The following HACL1 variants were observed in gnomAD, a reference collection of about 807,000 sequenced individuals.
HACL1 encodes 1600020H07Rik.
In HACL1, 64 loss-of-function variants were observed where a neutral mutation model predicts 74.2. The ratio of observed to expected loss-of-function variants is 0.86; its 90% CI spans 0.70 to 1.06. HACL1 has a LOEUF of 1.06. Among genes scored for constraint, HACL1 ranks in the 50% least tolerant of loss-of-function variants. HACL1 has a pLI of 0.00. For synonymous variants in HACL1, 230 were observed against 238.8 expected, an observed-to-expected ratio of 0.96 and a Z score of 0.34; for missense variants, 728 against 719.7, an observed-to-expected ratio of 1.01 and a Z score of -0.13.
At chr3:15,566,250 TA>T (rs1209388127) in intron 14 of HACL1, among the ~76,000 whole-genome samples, 1 of 152,052 alleles carries the variant, frequency 6.6e-6, no homozygotes, top group Non-Finnish European at 1.5e-5. Context: ...GCTGGAAAAA[TA>T]AAACCCCCAT....
chr3:15,563,594 GAA>G (rs751408852), intron 15 of HACL1, 50 bp from the exon 16 acceptor site: 1 of 1,203,276 alleles, frequency 8.3e-7, no homozygotes. Context: ...AAACCTTGTA[GAA>G]AAAAAGTCAT....
chr3:15,578,574 A>G (rs1347616478), intron 9 of HACL1, among the ~76,000 whole-genome samples: 1 of 152,168 alleles, frequency 6.6e-6, no homozygotes, highest in African/African-American at 2.4e-5. Flanking sequence ...TTTTGGCCAA[A>G]GGATCAGGAA....
chr3:15,580,764 A>G (rs2063704795), intron 8 of HACL1, among the ~76,000 whole-genome samples: 1 of 151,480 alleles, frequency 6.6e-6, no homozygotes, highest in African/African-American at 2.4e-5. Flanking sequence ...TCTCCAGTAA[A>G]CCTCCTCTAC....
At position 15,586,542 on chromosome 3, in the gene HACL1, G is replaced by A; in HGVS notation, c.442C>T (p.Pro148Ser). The A allele has an allele frequency of 6.3e-7, 1 of 1,587,388 alleles. No individual in the cohort carries two copies. Among genetic ancestry groups the A allele is most frequent in the Non-Finnish European group, 8.6e-7 (1 of 1,157,222 alleles). Reference sequence around the variant, plus strand: ...TACTGTACCTTTTCAATAACAAAAGGAATAGCTTCTATGCTGCTTGGGCGG... The same window carrying A: ...TACTGTACCTTTTCAATAACAAAAGAAATAGCTTCTATGCTGCTTGGGCGG... ...SARPSSIEAI[P>S]FVIEKAVRSS... Residue 148 changes from proline to serine, a missense_variant, in exon 6 of 17, where the codon CCT (proline) becomes TCT (serine). By Grantham distance (74) the Pro-to-Ser change is moderately conservative. Transcript: ENST00000321169.
intron 12 of HACL1, among the ~76,000 whole-genome samples, chr3:15,568,864 T>C (rs987729016): frequency 6.6e-6 from 1 of 152,176 alleles, no homozygotes; most frequent in African/African-American, 2.4e-5. Flanking sequence ...TTAAAGACAT[T>C]GAGAAGTCCT....
chr3:15,601,326 A>T, intron 1 of HACL1, 57 bp downstream of exon 1: 1 of 1,609,556 alleles, frequency 6.2e-7, no homozygotes, highest in Non-Finnish European at 8.5e-7. Flanking sequence ...CCAAGACAAC[A>T]TCGCGGTCCC....
intron 15 of HACL1, 147 bp from the exon 16 acceptor site, chr3:15,563,691 A>G: frequency 3.3e-6 from 2 of 604,578 alleles, no homozygotes; most frequent in Non-Finnish European, 5.9e-6. Flanking sequence ...ATGCCAGTAC[A>G]CTGAGTTTTT....
At chr3:15,581,279 C>T (rs1320750994) in intron 8 of HACL1, among the ~76,000 whole-genome samples, 1 of 152,182 alleles carries the variant, frequency 6.6e-6, no homozygotes, top group East Asian at 1.9e-4. Flanking sequence ...TTAAAAATAC[C>T]TTATTGTTCA....
chr3:15,573,764 C>T (rs1441750530), intron 10 of HACL1, among the ~76,000 whole-genome samples: 2 of 152,210 alleles, frequency 1.3e-5, no homozygotes, highest in Admixed American at 6.5e-5. Context: ...CAGGGAACCA[C>T]ATTTAGAGAA....
intron 5 of HACL1, among the ~76,000 whole-genome samples, chr3:15,588,550 G>A (rs780189540): frequency 1.3e-5 from 2 of 151,898 alleles, no homozygotes; most frequent in Non-Finnish European, 2.9e-5. Context: ...CCAAGACTGC[G>A]CCACTGCACT....
chr3:15,572,534 C>T (rs937250623), intron 11 of HACL1, among the ~76,000 whole-genome samples: 1 of 152,200 alleles, frequency 6.6e-6, no homozygotes, highest in African/African-American at 2.4e-5. Flanking sequence ...CAAATAACCA[C>T]GGACTCCTAT....
rs1322426326 is a variant in HACL1, at chr3:15,593,796, C to CTT, written c.228-2118_228-2117dup. On this transcript the variant is annotated intron_variant, in intron 3 of 16. Transcript: ENST00000321169. ...AAATGTTTTGTGTTTTTTTTTTTGT[C>CTT]TTTTTTTTTTTTTTTTTTGAGACGA... Among the ~76,000 whole-genome samples, 381 of 111,322 alleles carry CTT rather than the reference C, an allele frequency of 3.4e-3. 7 individuals are homozygous for CTT. Among genetic ancestry groups the CTT allele is most frequent in the African/African-American group, 6.9e-3 (202 of 29,196 alleles). The allele number at this position is 111,322 out of a possible 152,430, so 73.0% of individuals were successfully genotyped here.
chr3:15,588,227 C>G (rs1321740917), intron 5 of HACL1, among the ~76,000 whole-genome samples: 2 of 152,114 alleles, frequency 1.3e-5, no homozygotes, highest in Non-Finnish European at 2.9e-5. Flanking sequence ...TGTAAATGCT[C>G]AAATATATTT....
chr3:15,565,168 A>G lies in HACL1; in HGVS notation c.1410-510T>C, dbSNP rs148992194. Among the ~76,000 whole-genome samples the G allele has an allele frequency of 7.4e-3, 1,097 of 148,944 alleles. 12 individuals carry two copies. The highest frequency in any genetic ancestry group is 0.026 in the African/African-American group (1,044 of 40,624). ...TAACAGAGCAAGACTCCATCTCAGA[A>G]AAAAAAAAAAAAAGTTGATAGTCCT... On this transcript the variant is annotated intron_variant, in intron 14 of 16. Transcript: ENST00000321169.
Position 15,589,542 on chromosome 3 carries a change from G to C in HACL1, c.379C>G (p.Gln127Glu), listed in dbSNP as rs1309469573. Residue 127 changes from glutamine to glutamate, a missense_variant and splice_region_variant, in exon 5 of 17, where the codon CAG (glutamine) becomes GAG (glutamate). Coordinates refer to ENST00000321169, the MANE Select transcript of HACL1 (RefSeq NM_012260.4). The stretch of plus-strand genomic sequence containing the variant: ...ACCAAAATCTTAAAGTTGGATACCT[G>C]AGGAAACTCCTGGAAAGCTCCCATT... ...ETMGAFQEFP[Q>E]VEACRLYTKF... The C allele has an allele frequency of 1.3e-6, 2 of 1,592,290 alleles. No individual in the cohort carries two copies. The highest frequency in any genetic ancestry group is 2.7e-5 in the African/African-American group (2 of 74,266).
chr3:15,590,597 T>G (rs1257678052), intron 4 of HACL1, among the ~76,000 whole-genome samples: 2 of 152,190 alleles, frequency 1.3e-5, no homozygotes, highest in Non-Finnish European at 1.5e-5. Context: ...AAATAGTTTA[T>G]ATATAAAGCA....
chr3:15,589,559 G>A lies in HACL1; in HGVS notation c.362C>T (p.Ala121Val), dbSNP rs752154030. The A allele has an allele frequency of 4.4e-6, 7 of 1,608,126 alleles. No individual in the cohort carries two copies. Among genetic ancestry groups the A allele is most frequent in the Admixed American group, 1.7e-5 (1 of 59,870 alleles). ...SSERNQETMGAFQEFPQVEAC... is the reference protein window; with the variant it reads ...SSERNQETMGVFQEFPQVEAC... Reference sequence around the variant, plus strand: ...GGATACCTGAGGAAACTCCTGGAAAGCTCCCATTGTTTCTTGGTTTCTTTC... The same window carrying A: ...GGATACCTGAGGAAACTCCTGGAAAACTCCCATTGTTTCTTGGTTTCTTTC... The change falls in exon 5 of 17, where the codon GCT becomes GTT. Residue 121 changes from alanine (A) to valine (V), a missense_variant. By Grantham distance (64) the Ala-to-Val change is moderately conservative. Transcript: ENST00000321169.
At position 15,601,539 on chromosome 3, in the gene HACL1, G is replaced by C. The variant is rs779132749; in HGVS notation, c.-76C>G. 4 of 1,605,470 alleles carry C rather than the reference G, an allele frequency of 2.5e-6. No homozygotes were observed. The highest frequency in any genetic ancestry group is 1.7e-5 in the Admixed American group (1 of 59,862). On this transcript the variant is annotated 5_prime_UTR_variant, in exon 1 of 17. Transcript: ENST00000321169. ...CATCCAGCAAGGCAAACGCGAAATC[G>C]GCAGCACGCCACCTCTGGTACTGCA... is the stretch of plus-strand genomic sequence containing the variant.
chr3:15,561,448 T>C (rs1225377427), intron 16 of HACL1, among the ~76,000 whole-genome samples: 1 of 144,102 alleles, frequency 6.9e-6, no homozygotes, highest in Non-Finnish European at 1.5e-5. Context: ...GGAATGAAAA[T>C]AAATAATTTC....
Sources: gnomAD v4.1 joint callset for allele counts (sites outside exome capture counted in the v4.1 genomes callset) on GRCh38, gnomAD v4.1.1 for gene constraint, MANE v1.5 for transcripts, NCBI Gene and HGNC (gene_info 2026-07-23, HGNC 2026-07-21) for gene names.